SPIDR: variants seen among roughly 807,000 people sequenced by gnomAD.
SPIDR encodes the protein DNA repair-scaffolding protein.
In SPIDR, 93 loss-of-function variants were observed where a neutral mutation model predicts 104.6. That is an observed-to-expected ratio of 0.89 (90% CI 0.75 to 1.06). SPIDR has a LOEUF of 1.06. Ranked by LOEUF, SPIDR falls within the 50% of genes least tolerant of loss-of-function variation. The pLI is 0.00. For synonymous variants in SPIDR, 431 were observed against 416.9 expected, an observed-to-expected ratio of 1.03 and a Z score of -0.41; for missense variants, 1,154 against 1,111.2, an observed-to-expected ratio of 1.04 and a Z score of -0.55.
intron 8 of SPIDR, among the ~76,000 whole-genome samples, chr8:47,502,542 G>C (rs530235754): frequency 6.6e-6 from 1 of 151,964 alleles, no homozygotes; most frequent in Non-Finnish European, 1.5e-5. Flanking sequence ...TTCTTTATTA[G>C]TCTTGCTAGC....
intron 5 of SPIDR, among the ~76,000 whole-genome samples, chr8:47,348,415 A>C (rs2052653267): frequency 6.6e-6 from 1 of 152,066 alleles, no homozygotes; most frequent in African/African-American, 2.4e-5. Context: ...TGAATCTGAC[A>C]ATTATGTGTC....
chr8:47,272,238 GT>G (rs745405344), intron 1 of SPIDR, among the ~76,000 whole-genome samples: 1,556 of 152,124 alleles, frequency 0.01, 16 homozygotes, highest in Non-Finnish European at 0.017. Flanking sequence ...AAGTGCTGGG[GT>G]TATAGGCATG....
At chr8:47,421,090 G>A (rs1169187774) in intron 7 of SPIDR, among the ~76,000 whole-genome samples, 5 of 152,102 alleles carry the variant, frequency 3.3e-5, no homozygotes, top group African/African-American at 7.2e-5. Context: ...TATGTGTCTT[G>A]GAGTTGCTCT....
intron 8 of SPIDR, among the ~76,000 whole-genome samples, chr8:47,457,090 G>T (rs2073116305): frequency 6.6e-6 from 1 of 151,876 alleles, no homozygotes; most frequent in African/African-American, 2.4e-5. Flanking sequence ...TTTTTTTCCT[G>T]TAACAACTTC....
chr8:47,297,909 A>G (rs1004871741), intron 5 of SPIDR, among the ~76,000 whole-genome samples: 2 of 152,152 alleles, frequency 1.3e-5, no homozygotes, highest in African/African-American at 2.4e-5. Context: ...ATAGTGCCGC[A>G]ATAATCGTAC....
At chr8:47,551,196 A>G (rs1404064730) in intron 8 of SPIDR, among the ~76,000 whole-genome samples, 1 of 152,160 alleles carries the variant, frequency 6.6e-6, no homozygotes, top group Non-Finnish European at 1.5e-5. Flanking sequence ...GGATTTTCAC[A>G]TGGATGTTCA....
intron 8 of SPIDR, among the ~76,000 whole-genome samples, chr8:47,577,380 T>C (rs548979806): frequency 2.6e-5 from 4 of 152,242 alleles, no homozygotes; most frequent in South Asian, 4.1e-4. Flanking sequence ...CCCTACATCC[T>C]ATCCTGAGAG....
chr8:47,594,133 G>T (rs1053465882), intron 8 of SPIDR, among the ~76,000 whole-genome samples: 1 of 149,128 alleles, frequency 6.7e-6, no homozygotes, highest in African/African-American at 2.5e-5. Context: ...GCCGAGGCGG[G>T]CAAATCACCT....
rs144918127 is a variant in SPIDR at position 47,344,668 on chromosome 8, G to T, written c.525+50638G>T. ...TTTTTAATGATTGCCATTCTCACTG[G>T]TGTGAGATGGTATCTCATTGTGGTT... is the stretch of plus-strand genomic sequence containing the variant. On this transcript the variant is annotated intron_variant, in intron 5 of 19. Transcript: ENST00000297423. Among the ~76,000 whole-genome samples, 600 of 152,284 alleles carry T rather than the reference G, an allele frequency of 3.9e-3. 18 individuals are homozygous for T. The East Asian group carries it at 0.063, about 16-fold the overall frequency.
chr8:47,710,106 G>A (rs1649613451), intron 14 of SPIDR, among the ~76,000 whole-genome samples: 1 of 152,140 alleles, frequency 6.6e-6, no homozygotes, highest in Non-Finnish European at 1.5e-5. Flanking sequence ...TCGAACTCCT[G>A]ACCTCAAGTG....
At position 47,349,754 on chromosome 8, in the gene SPIDR, G is replaced by A. The variant is rs559294998; in HGVS notation, c.526-46622G>A. Among the ~76,000 whole-genome samples, 318 of 152,364 alleles carry A rather than the reference G, an allele frequency of 2.1e-3. 1 individual carries two copies. The highest frequency in any genetic ancestry group is 3.9e-3 in the South Asian group (19 of 4,830). On this transcript the variant is annotated intron_variant, in intron 5 of 19. Coordinates refer to ENST00000297423, the MANE Select transcript of SPIDR (RefSeq NM_001080394.4). ...CTGTGCTACCAGTGAGCAAGGGTCC[G>A]TGGGCGTGGGACCCACTGAGCCCGG...
intron 5 of SPIDR, among the ~76,000 whole-genome samples, chr8:47,345,158 T>A (rs548963885): frequency 3.3e-5 from 5 of 152,240 alleles, no homozygotes; most frequent in Non-Finnish European, 7.3e-5. Flanking sequence ...AAGGAAGGGA[T>A]CCAGTTTCAG....
At chr8:47,356,211 G>C (rs1010559928) in intron 5 of SPIDR, among the ~76,000 whole-genome samples, 2 of 152,144 alleles carry the variant, frequency 1.3e-5, no homozygotes, top group Non-Finnish European at 2.9e-5. Flanking sequence ...TTAAGTCCTC[G>C]TGAAAATAGA....
chr8:47,638,369 C>A (rs2068296028), intron 10 of SPIDR, among the ~76,000 whole-genome samples: 1 of 152,152 alleles, frequency 6.6e-6, no homozygotes, highest in South Asian at 2.1e-4. Context: ...GTCTCAGACT[C>A]CTGAACTCAG....
intron 5 of SPIDR, among the ~76,000 whole-genome samples, chr8:47,343,988 C>T (rs1455840031): frequency 2.7e-5 from 4 of 150,876 alleles, no homozygotes; most frequent in Non-Finnish European, 5.9e-5. Flanking sequence ...TATTATTATA[C>T]GTCAAGTTCT....
intron 1 of SPIDR, among the ~76,000 whole-genome samples, chr8:47,264,360 G>GATATATAGATATATCCTATATATCAC (rs1483880379): frequency 1.8e-4 from 28 of 152,254 alleles, no homozygotes; most frequent in Admixed American, 4.6e-4. Flanking sequence ...CTGATGTTAG[G>GATATATAGATATATCCTATATATCAC]ATATATAGAT....
At chr8:47,628,538 AT>A (rs1193602794) in intron 10 of SPIDR, among the ~76,000 whole-genome samples, 1 of 152,230 alleles carries the variant, frequency 6.6e-6, no homozygotes, top group Non-Finnish European at 1.5e-5. Context: ...ACTTTGTTTC[AT>A]GTATAAAATA....
chr8:47,260,897 G>A, upstream of SPIDR: 2 of 1,193,570 alleles, frequency 1.7e-6, no homozygotes, highest in Non-Finnish European at 2.1e-6. Context: ...GCGCGGTGCG[G>A]CGCGCCGAGG....
Position 47,711,777 on chromosome 8 carries a change from C to T in SPIDR, c.1978-885C>T, listed in dbSNP as rs1313590611. 2.6e-5 allele frequency among the ~76,000 whole-genome samples: 4 copies of T among 152,186 alleles called. 1 individual carries two copies. The highest frequency in any genetic ancestry group is 5.9e-5 in the Non-Finnish European group (4 of 68,036). ...TTTTCTTATTTCTATATGTATAACT[C>T]GCTTCTCCAACAGTAAGAAGCTTGG... On this transcript the variant is annotated intron_variant, in intron 14 of 19. Coordinates refer to ENST00000297423, the MANE Select transcript of SPIDR (RefSeq NM_001080394.4).
Sources: allele counts gnomAD v4.1 joint callset (sites outside exome capture counted in the v4.1 genomes callset), GRCh38; gene constraint gnomAD v4.1.1; transcripts MANE v1.5; gene names NCBI Gene and HGNC (gene_info 2026-07-23, HGNC 2026-07-21).